Variants in SAV1 observed in about 807,000 individuals in gnomAD.
SAV1 encodes the protein salvador family WW domain containing protein 1, also known as protein salvador homolog 1.
Under a neutral mutation model 47.3 loss-of-function variants are expected in SAV1, and 23 were observed. That is an observed-to-expected ratio of 0.49 (90% CI 0.35 to 0.69). The LOEUF (loss-of-function observed/expected upper bound fraction) is 0.69, where lower values mean the gene tolerates loss of function less well. SAV1 is among the 30% of genes least tolerant of loss of function. SAV1 has a pLI of 0.01. For synonymous variants in SAV1, 155 were observed against 159.2 expected, an observed-to-expected ratio of 0.97 and a Z score of 0.20; for missense variants, 448 against 457.4, an observed-to-expected ratio of 0.98 and a Z score of 0.19.
Position 50,635,045 on chromosome 14 carries a change from A to C in SAV1, c.*138T>G. 1 of 674,036 alleles carries C rather than the reference A, an allele frequency of 1.5e-6. No individual in the cohort carries two copies. Among genetic ancestry groups the C allele is most frequent in the Non-Finnish European group, 2.5e-6 (1 of 407,312 alleles). 41.8% of individuals were successfully genotyped at this position (674,036 alleles called of 1,614,324 possible). ...ATTCAATAAAAGAAAATTTCTAATA[A>C]CAAAATACATGTAAAGTTAGAATTT... On this transcript the variant is annotated 3_prime_UTR_variant, in exon 5 of 5. Coordinates refer to ENST00000324679, the MANE Select transcript of SAV1 (RefSeq NM_021818.4).
rs531680850 is a variant in SAV1, at chr14:50,638,912, C to T, written c.950+1838G>A. 1.8e-4 allele frequency among the ~76,000 whole-genome samples: 27 copies of T among 152,178 alleles called. 1 individual carries two copies. Among genetic ancestry groups the T allele is most frequent in the African/African-American group, 6.3e-4 (26 of 41,538 alleles). The stretch of plus-strand genomic sequence containing the variant: ...CCTCCCGAGTAGCTGGGACTACAGG[C>T]GCGTGCCACCATACCCAGCTAATTT... On this transcript the variant is annotated intron_variant, in intron 4 of 4. Coordinates refer to ENST00000324679, the MANE Select transcript of SAV1 (RefSeq NM_021818.4).
intron 1 of SAV1, chr14:50,667,452 TC>T: frequency 2.2e-6 from 1 of 456,724 alleles, no homozygotes; most frequent in Non-Finnish European, 4.4e-6. Context: ...TGCAGCACAG[TC>T]GAGAGACACC....
intron 2 of SAV1, among the ~76,000 whole-genome samples, chr14:50,650,960 T>A (rs1245846140): frequency 6.6e-6 from 1 of 151,272 alleles, no homozygotes; most frequent in Non-Finnish European, 1.5e-5. Context: ...AGATGGAGGA[T>A]GCAGTGAGCC....
At chr14:50,660,471 T>C (rs2039849367) in intron 2 of SAV1, among the ~76,000 whole-genome samples, 1 of 152,214 alleles carries the variant, frequency 6.6e-6, no homozygotes, top group Non-Finnish European at 1.5e-5. Flanking sequence ...GGTGGTAACA[T>C]TGTTTTATAG....
At chr14:50,647,348 A>G (rs1292229837) in intron 2 of SAV1, among the ~76,000 whole-genome samples, 1 of 152,176 alleles carries the variant, frequency 6.6e-6, no homozygotes, top group African/African-American at 2.4e-5. Flanking sequence ...TTATTAGCCA[A>G]AGAACTCTGA....
At chr14:50,656,440 AT>A (rs11288683) in intron 2 of SAV1, among the ~76,000 whole-genome samples, 51,710 of 120,068 alleles carry the variant, frequency 0.43, 9,053 homozygotes, top group East Asian at 0.64. Flanking sequence ...CCCCAACTGT[AT>A]TTTTTTTTTT....
Position 50,644,772 on chromosome 14 carries a change from C to T in SAV1, c.778G>A (p.Ala260Thr), listed in dbSNP as rs756079819. 2 of 1,614,034 alleles carry T rather than the reference C, an allele frequency of 1.2e-6. No individual in the cohort carries two copies. Among genetic ancestry groups the T allele is most frequent in the Non-Finnish European group, 1.7e-6 (2 of 1,179,960 alleles). The change falls in exon 3 of 5, where the codon GCC (alanine) becomes ACC (threonine). Residue 260 changes from alanine to threonine, a missense_variant. Physicochemically the swap from Ala to Thr is moderately conservative, Grantham distance 58. Coordinates refer to ENST00000324679, the MANE Select transcript of SAV1 (RefSeq NM_021818.4). ...GGAGCACAGGGATGCCTGTATTGGG[C>T]CTTCTTATTTGTGTGATCTACATAA... ...TYYVDHTNKKAQYRHPCAPSV... is the reference protein window; with the variant it reads ...TYYVDHTNKKTQYRHPCAPSV...
chr14:50,648,208 T>C (rs1001885520), intron 2 of SAV1, among the ~76,000 whole-genome samples: 1 of 152,208 alleles, frequency 6.6e-6, no homozygotes. Context: ...CTACAAATTG[T>C]ACAGTTCCAT....
intron 3 of SAV1, 58 bp from the exon 4 acceptor site, chr14:50,640,951 T>C: frequency 6.7e-7 from 1 of 1,484,608 alleles, no homozygotes; most frequent in Non-Finnish European, 9.1e-7. Flanking sequence ...AAACAAGAAA[T>C]TATAAAGAAC....
chr14:50,635,771 G>A (rs1335636665), intron 4 of SAV1, among the ~76,000 whole-genome samples: 4 of 152,104 alleles, frequency 2.6e-5, no homozygotes, highest in African/African-American at 7.2e-5. Flanking sequence ...GTGCAGTGGC[G>A]TGATCTCAGC....
intron 2 of SAV1, 25 bp downstream of exon 2, chr14:50,665,154 T>C (rs749137606): frequency 6.7e-7 from 1 of 1,490,062 alleles, no homozygotes; most frequent in East Asian, 2.3e-5. Flanking sequence ...TATAAACTAC[T>C]ATATTATTTA....
chr14:50,650,383 G>A (rs1322394048), intron 2 of SAV1, among the ~76,000 whole-genome samples: 1 of 152,078 alleles, frequency 6.6e-6, no homozygotes, highest in African/African-American at 2.4e-5. Context: ...AATAATATTC[G>A]GGATGTATTA....
At chr14:50,666,053 T>C (rs893150969) in intron 1 of SAV1, among the ~76,000 whole-genome samples, 3 of 152,224 alleles carry the variant, frequency 2.0e-5, no homozygotes, top group African/African-American at 7.2e-5. Context: ...AAAATCCTTC[T>C]TGAAGCAAAC....
chr14:50,638,913 G>A (rs952278886), intron 4 of SAV1, among the ~76,000 whole-genome samples: 19 of 152,126 alleles, frequency 1.2e-4, no homozygotes, highest in African/African-American at 2.9e-4. Flanking sequence ...GACTACAGGC[G>A]CGTGCCACCA....
At chr14:50,650,324 T>A (rs901998670) in intron 2 of SAV1, among the ~76,000 whole-genome samples, 1 of 152,186 alleles carries the variant, frequency 6.6e-6, no homozygotes, top group East Asian at 1.9e-4. Flanking sequence ...GAGTACTATA[T>A]TATATAGCTG....
chr14:50,641,982 G>T (rs1010231882), intron 3 of SAV1, among the ~76,000 whole-genome samples: 1 of 152,148 alleles, frequency 6.6e-6, no homozygotes, highest in Non-Finnish European at 1.5e-5. Context: ...TGGTGGGCTG[G>T]ATAAAGAAAA....
intron 3 of SAV1, among the ~76,000 whole-genome samples, chr14:50,641,642 CA>C (rs2039681692): frequency 6.6e-6 from 1 of 152,106 alleles, no homozygotes; most frequent in Admixed American, 6.5e-5. Flanking sequence ...AAATGCAAAT[CA>C]AAAGCACAAT....
intron 4 of SAV1, among the ~76,000 whole-genome samples, chr14:50,639,539 A>C (rs1465509659): frequency 1.3e-5 from 2 of 152,100 alleles, no homozygotes; most frequent in Non-Finnish European, 2.9e-5. Context: ...CCTTTTTGTC[A>C]GTCTGGCCCA....
intron 3 of SAV1, among the ~76,000 whole-genome samples, chr14:50,641,732 A>G (rs956206228): frequency 2.6e-5 from 4 of 152,232 alleles, no homozygotes; most frequent in Admixed American, 2.6e-4. Context: ...TATGGTTGCA[A>G]AGAAAAATGA....
Sources: allele counts gnomAD v4.1 joint callset (sites outside exome capture counted in the v4.1 genomes callset), GRCh38; gene constraint gnomAD v4.1.1; transcripts MANE v1.5; gene names NCBI Gene and HGNC (gene_info 2026-07-23, HGNC 2026-07-21).